Variants in HERC3 observed in about 807,000 individuals in gnomAD.
HERC3 encodes HECT and RLD domain containing E3 ubiquitin protein ligase 3, also known as probable E3 ubiquitin-protein ligase HERC3.
A neutral mutation model predicts 129.9 loss-of-function variants in HERC3; 58 were observed. The ratio of observed to expected loss-of-function variants is 0.45; its 90% CI spans 0.36 to 0.56. The LOEUF (loss-of-function observed/expected upper bound fraction) is 0.56. Among genes scored for constraint, HERC3 ranks in the 20% least tolerant of loss-of-function variants. HERC3 has a pLI of 0.00. For synonymous variants in HERC3, 430 were observed against 451.0 expected (o/e 0.95, Z 0.59); for missense variants, 835 against 1,244.2 (o/e 0.67, Z 4.95).
chr4:88,677,509 A>G (rs191317733), intron 18 of HERC3, among the ~76,000 whole-genome samples: 11 of 151,950 alleles, frequency 7.2e-5, no homozygotes, highest in Admixed American at 2.6e-4. Flanking sequence ...ATCTATATAT[A>G]TGTTTGTTTT....
the HERC3 span, among the ~76,000 whole-genome samples, chr4:88,558,738 C>T: frequency 0.05 from 7,640 of 151,454 alleles, 446 homozygotes; most frequent in East Asian, 0.28. Flanking sequence ...CCGAGGCGGG[C>T]GGATCACGAG....
intron 3 of HERC3, among the ~76,000 whole-genome samples, chr4:88,644,170 G>T (rs1728447127): frequency 6.6e-6 from 1 of 152,162 alleles, no homozygotes; most frequent in Admixed American, 6.5e-5. Context: ...TCTCATAATT[G>T]CTGGTGTTAA....
chr4:88,682,221 A>G (rs1560758406), intron 21 of HERC3, among the ~76,000 whole-genome samples: 3 of 152,202 alleles, frequency 2.0e-5, no homozygotes, highest in Admixed American at 2.0e-4. Context: ...GCCTAGGAGT[A>G]GAATTGCTGA....
chr4:88,585,458 C>A, the HERC3 span, among the ~76,000 whole-genome samples: 1 of 149,434 alleles, frequency 6.7e-6, no homozygotes, highest in East Asian at 2.0e-4. Flanking sequence ...GAGAAATGGA[C>A]AATAAAATGT....
intron 16 of HERC3, 56 bp from the exon 17 acceptor site, chr4:88,676,162 A>G (rs1384257143): frequency 7.7e-7 from 1 of 1,306,654 alleles, no homozygotes; most frequent in African/African-American, 1.5e-5. Context: ...TTTTGGAGGG[A>G]TTAAAATTCA....
intron 20 of HERC3, 75 bp from the exon 21 acceptor site, chr4:88,681,084 G>T: frequency 6.8e-7 from 1 of 1,472,284 alleles, no homozygotes; most frequent in Admixed American, 2.4e-5. Flanking sequence ...AAAATATTTT[G>T]AGGGAAATGG....
chr4:88,564,635 TC>T, the HERC3 span, among the ~76,000 whole-genome samples: 2 of 152,318 alleles, frequency 1.3e-5, no homozygotes, highest in East Asian at 3.9e-4. Flanking sequence ...CTCTCTTTTT[TC>T]TTAGTCTGGC....
rs545786633 is a variant in HERC3, at chr4:88,601,884, G to A, written c.-29-3911G>A. 2.8e-4 allele frequency among the ~76,000 whole-genome samples: 31 copies of A among 108,918 alleles called. 1 individual carries two copies. Among genetic ancestry groups the A allele is most frequent in the Non-Finnish European group, 4.4e-4 (27 of 62,022 alleles). The allele number at this position is 108,918 out of a possible 152,430, so 71.5% of individuals were successfully genotyped here. A position where few individuals can be genotyped will look rare whatever the true frequency, so the allele number is the denominator to read the frequency against. ...ATCCCGGCTAAAACGGTGAAACCCC[G>A]TCTCTACTAAAAATACAAAAAATTA... is the stretch of plus-strand genomic sequence containing the variant. On this transcript the variant is annotated intron_variant, in intron 2 of 25. Transcript: ENST00000402738.
chr4:88,677,696 T>G (rs1389787084), intron 18 of HERC3, among the ~76,000 whole-genome samples: 1 of 152,212 alleles, frequency 6.6e-6, no homozygotes, highest in African/African-American at 2.4e-5. Flanking sequence ...ATTTTAGTAT[T>G]AATCAGCTAG....
At chr4:88,625,057 C>T (rs1244735136) in intron 3 of HERC3, among the ~76,000 whole-genome samples, 3 of 152,152 alleles carry the variant, frequency 2.0e-5, no homozygotes, top group Non-Finnish European at 4.4e-5. Flanking sequence ...ATCTACATGT[C>T]TTTCCTTAGT....
chr4:88,655,126 A>G (rs374855288), intron 7 of HERC3, 48 bp from the exon 8 acceptor site: 170 of 1,606,976 alleles, frequency 1.1e-4, no homozygotes, highest in Admixed American at 1.8e-4. Context: ...GTTTAGAGGT[A>G]TACCCTTAAA....
chr4:88,652,141 T>A lies in HERC3; in HGVS notation c.463+53T>A, dbSNP rs377069890. 11 of 1,328,040 alleles carry A rather than the reference T, an allele frequency of 8.3e-6. No individual in the cohort carries two copies. The African/African-American group carries it at 1.3e-4, about 16-fold the overall frequency. The allele number at this position is 1,328,040 out of a possible 1,614,324, so 82.3% of individuals were successfully genotyped here. A position where few individuals can be genotyped will look rare whatever the true frequency, so the allele number is the denominator to read the frequency against. On this transcript the variant is annotated intron_variant, in intron 5 of 25. Transcript: ENST00000402738. ...GCTATGTTAATTTTGAAAACATTTC[T>A]CTTTGTCTTTTTGTGTGATATTATC...
chr4:88,681,573 A>G (rs1732785222), intron 21 of HERC3, among the ~76,000 whole-genome samples: 1 of 152,206 alleles, frequency 6.6e-6, no homozygotes, highest in Non-Finnish European at 1.5e-5. Context: ...CAAAATCCAC[A>G]TGTGCTCAAG....
At chr4:88,671,043 T>C (rs952979001) in intron 16 of HERC3, among the ~76,000 whole-genome samples, 4 of 152,142 alleles carry the variant, frequency 2.6e-5, no homozygotes, top group Middle Eastern at 3.4e-3. Flanking sequence ...GACCAAGTGC[T>C]GTCTCACCGT....
the HERC3 span, among the ~76,000 whole-genome samples, chr4:88,542,721 G>A: frequency 0.011 from 1,679 of 152,204 alleles, 16 homozygotes; most frequent in Non-Finnish European, 0.017. Context: ...CAGCAGCACA[G>A]CAAAAAGCTT....
At chr4:88,537,190 C>A in the HERC3 span, among the ~76,000 whole-genome samples, 5 of 151,994 alleles carry the variant, frequency 3.3e-5, no homozygotes, top group East Asian at 5.8e-4. Flanking sequence ...CCATTTGTTC[C>A]CTTAATGTAT....
In HERC3 at chr4:88,652,966, G is replaced by A. The variant is rs1479825118; in HGVS notation, c.561G>A (p.Leu187=). The A allele has an allele frequency of 3.1e-6, 5 of 1,614,206 alleles. No homozygotes were observed. In the South Asian group the frequency reaches 5.5e-5, roughly 18 times the overall value. Residue 187 remains leucine (L), a synonymous_variant, in exon 6 of 26, where the codon CTG becomes CTA. Coordinates refer to ENST00000402738, the MANE Select transcript of HERC3 (RefSeq NM_014606.3). ...CCAGCCCACAGAGGGTGAGGTCCCT[G>A]GAGGGGATCCCACTGGCTCAGGTGG... ...SQASPQRVRS[L]EGIPLAQVAA... is the part of the protein sequence containing the mutation.
rs1013192293 is a variant in HERC3, at chr4:88,634,242, C to T, written c.227-15598C>T. Among the ~76,000 whole-genome samples the T allele has an allele frequency of 6.6e-5, 10 of 152,320 alleles. No homozygotes were observed. The East Asian group carries it at 9.7e-4, about 15-fold the overall frequency. ...AACCCACAGATCAGAAGATCCCACT[C>T]GTGAGCCCATGCTACTGGGGCCTTG... is the stretch of plus-strand genomic sequence containing the variant. On this transcript the variant is annotated intron_variant, in intron 3 of 25. Coordinates refer to ENST00000402738, the MANE Select transcript of HERC3 (RefSeq NM_014606.3).
At chr4:88,689,321 A>G (rs957081026) in intron 23 of HERC3, among the ~76,000 whole-genome samples, 2 of 151,128 alleles carry the variant, frequency 1.3e-5, no homozygotes, top group Non-Finnish European at 2.9e-5. Context: ...CGTGGGCAAG[A>G]TAGCAAAACC....
Sources: allele counts gnomAD v4.1 joint callset (sites outside exome capture counted in the v4.1 genomes callset), GRCh38; gene constraint gnomAD v4.1.1; transcripts MANE v1.5; gene names NCBI Gene and HGNC (gene_info 2026-07-23, HGNC 2026-07-21).